The following METTL25 variants were observed in gnomAD, a reference collection of about 807,000 sequenced individuals.
The protein encoded by METTL25 is methyltransferase like 25.
A neutral mutation model predicts 71.6 loss-of-function variants in METTL25; 64 were observed. That is an observed-to-expected ratio of 0.89 (90% confidence interval 0.73 to 1.10). The LOEUF (loss-of-function observed/expected upper bound fraction) is 1.10, where lower values mean the gene tolerates loss of function less well. METTL25 is among the 50% of genes least tolerant of loss of function. METTL25 has a pLI of 0.00. For synonymous variants in METTL25, 287 were observed against 250.3 expected, an observed-to-expected ratio of 1.15 and a Z score of -1.38; for missense variants, 807 against 707.0, an observed-to-expected ratio of 1.14 and a Z score of -1.60.
intron 1 of METTL25, among the ~76,000 whole-genome samples, chr12:82,380,621 A>G (rs113108781): frequency 8.5e-5 from 13 of 152,214 alleles, no homozygotes; most frequent in Non-Finnish European, 1.5e-4. Context: ...GCTCATGGCC[A>G]CAGGGATAGA....
Position 82,361,037 on chromosome 12 carries a change from C to T in METTL25, c.259+2213C>T, listed in dbSNP as rs151284043. On this transcript the variant is annotated intron_variant, in intron 1 of 11. Transcript: ENST00000248306. ...AAGGAGTGAAAGAACAAAGCTTCCA[C>T]AGGGTTGTCGCTGCTGGCGCCAGCA... Among the ~76,000 whole-genome samples, 1,503 of 152,246 alleles carry T rather than the reference C, an allele frequency of 9.9e-3. 23 individuals carry two copies. The highest frequency in any genetic ancestry group is 0.034 in the African/African-American group (1,417 of 41,548).
chr12:82,408,939 C>T (rs1887332643), intron 5 of METTL25, among the ~76,000 whole-genome samples: 1 of 152,080 alleles, frequency 6.6e-6, no homozygotes, highest in African/African-American at 2.4e-5. Flanking sequence ...TACACACCTT[C>T]ACCCTCACTT....
chr12:82,424,921 G>T (rs1888881131), intron 5 of METTL25, among the ~76,000 whole-genome samples: 1 of 151,958 alleles, frequency 6.6e-6, no homozygotes, highest in Admixed American at 6.6e-5. Context: ...GCCTTCAGAG[G>T]GTCTGTGGCC....
At chr12:82,362,587 C>T (rs148534379) in intron 1 of METTL25, among the ~76,000 whole-genome samples, 3 of 152,280 alleles carry the variant, frequency 2.0e-5, no homozygotes, top group African/African-American at 7.2e-5. Context: ...CCCAGGACAT[C>T]CTCACATAAA....
At chr12:82,415,125 GT>G (rs2137074560) in intron 5 of METTL25, among the ~76,000 whole-genome samples, 1 of 152,162 alleles carries the variant, frequency 6.6e-6, no homozygotes, top group South Asian at 2.1e-4. Flanking sequence ...CAGCACCTGG[GT>G]TTTGCCATTG....
At chr12:82,434,657 A>G in intron 6 of METTL25, 38 bp from the exon 7 acceptor site, 2 of 1,306,220 alleles carry the variant, frequency 1.5e-6, no homozygotes, top group Non-Finnish European at 2.1e-6. Flanking sequence ...TATAAGACTC[A>G]ATATATCAAC....
chr12:82,400,150 C>T (rs1886470543), intron 4 of METTL25, among the ~76,000 whole-genome samples: 1 of 151,742 alleles, frequency 6.6e-6, no homozygotes, highest in Non-Finnish European at 1.5e-5. Flanking sequence ...AGCGAAACCC[C>T]ATCTCTACTA....
intron 5 of METTL25, among the ~76,000 whole-genome samples, chr12:82,416,837 T>C (rs770958271): frequency 2.0e-5 from 3 of 152,102 alleles, no homozygotes; most frequent in Admixed American, 6.6e-5. Flanking sequence ...ATCCTGATAG[T>C]TCAATATAGT....
intron 1 of METTL25, among the ~76,000 whole-genome samples, chr12:82,371,163 G>A (rs1420572398): frequency 6.6e-6 from 1 of 152,206 alleles, no homozygotes; most frequent in Non-Finnish European, 1.5e-5. Context: ...CAGTCATCCA[G>A]GACAGGAGAT....
rs771513658 is a variant in METTL25 at position 82,403,006 on chromosome 12, C to T, written c.1155C>T (p.His385=). 2.0e-5 allele frequency: 32 copies of T among 1,611,914 alleles called. No individual in the cohort carries two copies. Among genetic ancestry groups the T allele is most frequent in the Non-Finnish European group, 2.6e-5 (31 of 1,178,874 alleles). The stretch of plus-strand genomic sequence containing the variant: ...AGGATTGTTTGATGGTGGGTCTCCA[C>T]ACTTGTGGTGATCTGGCTCCAAATA... The part of the protein sequence containing the change: ...DLEDCLMVGL[H]TCGDLAPNTL... The change falls in exon 5 of 12, where the codon CAC becomes CAT. Residue 385 remains histidine, a synonymous_variant. Transcript: ENST00000248306.
intron 9 of METTL25, among the ~76,000 whole-genome samples, chr12:82,467,605 A>G (rs1198461743): frequency 1.3e-5 from 2 of 152,106 alleles, no homozygotes; most frequent in African/African-American, 4.8e-5. Context: ...TGAATATATC[A>G]TGCCATTCTT....
chr12:82,391,611 T>A (rs1284510698), intron 3 of METTL25, among the ~76,000 whole-genome samples: 1 of 151,984 alleles, frequency 6.6e-6, no homozygotes, highest in African/African-American at 2.4e-5. Flanking sequence ...ATACCACATT[T>A]CTTTATCCAT....
At chr12:82,358,893 C>T in intron 1 of METTL25, 69 bp downstream of exon 1, 1 of 1,534,714 alleles carries the variant, frequency 6.5e-7, no homozygotes, top group East Asian at 2.4e-5. Flanking sequence ...AAGCGAGCCC[C>T]CTGGTGGAAG....
At chr12:82,431,916 T>C (rs149902407) in intron 6 of METTL25, among the ~76,000 whole-genome samples, 349 of 151,778 alleles carry the variant, frequency 2.3e-3, no homozygotes, top group African/African-American at 8.1e-3. Context: ...TCTCATGCAA[T>C]TTATTGAAAA....
intron 9 of METTL25, among the ~76,000 whole-genome samples, chr12:82,463,829 T>C (rs1489403480): frequency 6.6e-6 from 1 of 152,042 alleles, no homozygotes; most frequent in African/African-American, 2.4e-5. Context: ...ATTTCCCTAA[T>C]GATTAGTGAT....
chr12:82,371,547 A>G (rs1177422384), intron 1 of METTL25, among the ~76,000 whole-genome samples: 1 of 152,130 alleles, frequency 6.6e-6, no homozygotes, highest in African/African-American at 2.4e-5. Flanking sequence ...GGCCATGACT[A>G]AGGCTGTGTC....
intron 5 of METTL25, among the ~76,000 whole-genome samples, chr12:82,404,092 A>G (rs145623576): frequency 1.3e-5 from 2 of 152,230 alleles, no homozygotes; most frequent in East Asian, 1.9e-4. Context: ...AACAGAAACC[A>G]TTTTTAGAAT....
chr12:82,387,227 C>T (rs1468758342), intron 2 of METTL25, among the ~76,000 whole-genome samples: 2 of 152,054 alleles, frequency 1.3e-5, no homozygotes, highest in Non-Finnish European at 2.9e-5. Context: ...TCCTGCCCCT[C>T]AAACACAGAT....
chr12:82,400,576 C>T (rs1886524956), intron 4 of METTL25, among the ~76,000 whole-genome samples: 1 of 17,878 alleles, frequency 5.6e-5, no homozygotes. Flanking sequence ...ATCTCAATGA[C>T]TTTAGTTTAA....
Sources: allele counts gnomAD v4.1 joint callset (sites outside exome capture counted in the v4.1 genomes callset), GRCh38; gene constraint gnomAD v4.1.1; transcripts MANE v1.5; gene names NCBI Gene and HGNC (gene_info 2026-07-23, HGNC 2026-07-21).